PTPRD: variants seen among roughly 807,000 people sequenced by gnomAD.
PTPRD encodes protein tyrosine phosphatase receptor type D, also known as receptor-type tyrosine-protein phosphatase delta.
PTPRD carries 34 observed loss-of-function variants against 214.5 expected under a neutral mutation model. The observed-to-expected ratio is 0.16, with a 90% CI of 0.12 to 0.21. The LOEUF (loss-of-function observed/expected upper bound fraction) is 0.21. Among genes scored for constraint, PTPRD ranks in the 10% least tolerant of loss-of-function variants. The pLI, the probability that PTPRD is intolerant of heterozygous loss-of-function variation, is 1.00. For missense variants in PTPRD, 2,545 were observed against 2,398.7 expected, an observed-to-expected ratio of 1.06 and a Z score of -1.27; for synonymous variants, 1,128 against 845.7, an observed-to-expected ratio of 1.33 and a Z score of -5.79.
chr9:8,562,426 T>G (rs1276550129), intron 14 of PTPRD, among the ~76,000 whole-genome samples: 2 of 151,892 alleles, frequency 1.3e-5, no homozygotes. Flanking sequence ...ATTTATTTAT[T>G]TATTTATTTT....
intron 7 of PTPRD, among the ~76,000 whole-genome samples, chr9:9,653,328 G>A (rs950429980): frequency 9.5e-6 from 1 of 104,872 alleles, no homozygotes; most frequent in South Asian, 3.6e-4. Context: ...CGGCCTGGGC[G>A]ACAGAGCGAG....
chr9:9,492,666 G>C (rs1203926867), intron 8 of PTPRD, among the ~76,000 whole-genome samples: 1 of 151,056 alleles, frequency 6.6e-6, no homozygotes, highest in Non-Finnish European at 1.5e-5. Flanking sequence ...CATAATAAAA[G>C]TCACGTACAG....
chr9:9,823,930 G>C (rs756813913), intron 5 of PTPRD, among the ~76,000 whole-genome samples: 2 of 151,904 alleles, frequency 1.3e-5, no homozygotes, highest in Admixed American at 1.3e-4. Context: ...CAATTATGTT[G>C]ATTTGATCAT....
intron 3 of PTPRD, among the ~76,000 whole-genome samples, chr9:10,212,144 A>C (rs1173411725): frequency 6.6e-6 from 1 of 152,058 alleles, no homozygotes; most frequent in Non-Finnish European, 1.5e-5. Context: ...ACAACTTCAG[A>C]GGTTTTCTCA....
intron 3 of PTPRD, among the ~76,000 whole-genome samples, chr9:10,108,834 T>G (rs956691728): frequency 1.3e-5 from 2 of 151,070 alleles, no homozygotes; most frequent in Admixed American, 6.6e-5. Flanking sequence ...CTGGAGGACA[T>G]TATGTTAACT....
At chr9:10,118,895 TAAA>T (rs1195203342) in intron 3 of PTPRD, among the ~76,000 whole-genome samples, 3 of 139,172 alleles carry the variant, frequency 2.2e-5, no homozygotes, top group Non-Finnish European at 4.8e-5. Context: ...AATAAATAAA[TAAA>T]TAATAATAAA....
At chr9:9,827,988 A>C (rs1369919894) in intron 5 of PTPRD, among the ~76,000 whole-genome samples, 1 of 152,172 alleles carries the variant, frequency 6.6e-6, no homozygotes, top group African/African-American at 2.4e-5. Flanking sequence ...GGCGATCGTT[A>C]AAAAGTCAGG....
intron 5 of PTPRD, among the ~76,000 whole-genome samples, chr9:9,783,750 A>G (rs529777891): frequency 1.3e-5 from 2 of 151,542 alleles, no homozygotes. Context: ...TTAGAAAGCA[A>G]TCAAGTGATT....
At chr9:10,253,075 G>A (rs2154370460) in intron 3 of PTPRD, among the ~76,000 whole-genome samples, 1 of 152,220 alleles carries the variant, frequency 6.6e-6, no homozygotes, top group African/African-American at 2.4e-5. Context: ...GAGCCACTGT[G>A]CCTGGCCACG....
chr9:8,419,014 T>C (rs893791460), intron 35 of PTPRD, among the ~76,000 whole-genome samples: 1 of 151,448 alleles, frequency 6.6e-6, no homozygotes, highest in African/African-American at 2.4e-5. Context: ...GAGGCAGGAG[T>C]TCGAGACTGG....
intron 3 of PTPRD, among the ~76,000 whole-genome samples, chr9:10,101,692 C>A (rs1048600758): frequency 4.0e-5 from 6 of 151,618 alleles, no homozygotes; most frequent in African/African-American, 1.5e-4. Flanking sequence ...GTGAAACAAC[C>A]ACATACAAAT....
At chr9:10,372,182 T>G (rs2097639660) in intron 2 of PTPRD, among the ~76,000 whole-genome samples, 1 of 152,142 alleles carries the variant, frequency 6.6e-6, no homozygotes, top group Non-Finnish European at 1.5e-5. Context: ...ATTTTGAAAT[T>G]CATTAATAAC....
intron 2 of PTPRD, among the ~76,000 whole-genome samples, chr9:10,567,362 G>A (rs897032758): frequency 6.7e-6 from 1 of 150,302 alleles, no homozygotes; most frequent in African/African-American, 2.4e-5. Context: ...CTATTATTAG[G>A]TAAATACTAT....
intron 2 of PTPRD, among the ~76,000 whole-genome samples, chr9:10,604,024 T>C (rs1259853618): frequency 1.3e-5 from 2 of 151,750 alleles, no homozygotes; most frequent in African/African-American, 2.4e-5. Context: ...AAGGCCAACA[T>C]AGTCATTCCT....
chr9:9,265,589 C>T (rs1939042327), intron 9 of PTPRD, among the ~76,000 whole-genome samples: 1 of 151,290 alleles, frequency 6.6e-6, no homozygotes, highest in Non-Finnish European at 1.5e-5. Context: ...GGACATGTAT[C>T]TAGGGAGATG....
intron 7 of PTPRD, among the ~76,000 whole-genome samples, chr9:9,631,186 C>T (rs1435377462): frequency 1.6e-5 from 2 of 128,332 alleles, no homozygotes; most frequent in Non-Finnish European, 3.2e-5. Context: ...AGACAAGTAT[C>T]TCATTCATAA....
At chr9:10,432,402 A>C (rs1278897302) in intron 2 of PTPRD, among the ~76,000 whole-genome samples, 1 of 151,714 alleles carries the variant, frequency 6.6e-6, no homozygotes, top group Non-Finnish European at 1.5e-5. Context: ...TAACCTGCAC[A>C]ATGTGCACAT....
chr9:9,842,529 T>C (rs2058583541), intron 5 of PTPRD, among the ~76,000 whole-genome samples: 2 of 151,736 alleles, frequency 1.3e-5, no homozygotes, highest in Non-Finnish European at 1.5e-5. Flanking sequence ...AAAGAAATAT[T>C]TGGGAACAAA....
chr9:10,082,323 T>C (rs901907955), intron 3 of PTPRD, among the ~76,000 whole-genome samples: 1 of 152,160 alleles, frequency 6.6e-6, no homozygotes, highest in African/African-American at 2.4e-5. Context: ...ATTTGACCTG[T>C]GACTTGGGGA....
Sources: allele counts gnomAD v4.1 joint callset (sites outside exome capture counted in the v4.1 genomes callset), GRCh38; gene constraint gnomAD v4.1.1; transcripts MANE v1.5; gene names NCBI Gene and HGNC (gene_info 2026-07-23, HGNC 2026-07-21).